Variants in AIG1 observed in about 807,000 individuals in gnomAD.
AIG1 encodes androgen induced 1.
In AIG1, 23 loss-of-function variants were observed where a neutral mutation model predicts 31.4. The ratio of observed to expected loss-of-function variants is 0.73; its 90% CI spans 0.53 to 1.04. The LOEUF (loss-of-function observed/expected upper bound fraction) is 1.04, where lower values mean the gene tolerates loss of function less well. AIG1 is among the 50% of genes least tolerant of loss of function. AIG1 has a pLI of 0.00. For synonymous variants in AIG1, 100 were observed against 110.5 expected (o/e 0.90, Z 0.60); for missense variants, 274 against 295.0 (o/e 0.93, Z 0.52).
rs560197555 is a variant in AIG1 at position 143,273,123 on chromosome 6, C to T, written c.400-10987C>T. ...CAGTCTGGGCGACAGAGTGAGACTT[C>T]GTCTCAAAAAAAAATATTGTGGGAA... is the stretch of plus-strand genomic sequence containing the variant. On this transcript the variant is annotated intron_variant, in intron 3 of 5. Transcript: ENST00000357847. 3.5e-4 allele frequency among the ~76,000 whole-genome samples: 53 copies of T among 151,698 alleles called. 1 individual carries two copies. The highest frequency in any genetic ancestry group is 1.6e-3 in the Admixed American group (24 of 15,242).
intron 4 of AIG1, among the ~76,000 whole-genome samples, chr6:143,323,245 G>T (rs979843741): frequency 5.3e-5 from 8 of 152,286 alleles, no homozygotes; most frequent in African/African-American, 1.9e-4. Context: ...GTTCAAAAAT[G>T]ATGTAAGACT....
intron 1 of AIG1, among the ~76,000 whole-genome samples, chr6:143,129,278 G>A (rs572939625): frequency 6.6e-6 from 1 of 152,216 alleles, no homozygotes; most frequent in Admixed American, 6.5e-5. Flanking sequence ...GCAACATAGT[G>A]AGACTCCGTC....
chr6:143,303,211 C>CA (rs1798961728), intron 4 of AIG1, among the ~76,000 whole-genome samples: 2 of 151,390 alleles, frequency 1.3e-5, no homozygotes, highest in Non-Finnish European at 3.0e-5. Flanking sequence ...TTTTGCTGTG[C>CA]AGAAGCTCTT....
At position 143,183,196 on chromosome 6, in the gene AIG1, C is replaced by CTT. The variant is rs35379724; in HGVS notation, c.399+18029_399+18030dup. On this transcript the variant is annotated intron_variant, in intron 3 of 5. Transcript: ENST00000357847. ...CTCTAAGGAAATAATCGGACAATGG[C>CTT]TTTTTTTTTTTTTTTTTGGAGACGG... is the stretch of plus-strand genomic sequence containing the variant. Among the ~76,000 whole-genome samples the CTT allele has an allele frequency of 2.6e-3, 350 of 132,826 alleles. 2 individuals carry two copies. Among genetic ancestry groups the CTT allele is most frequent in the South Asian group, 8.7e-3 (36 of 4,148 alleles). The allele number at this position is 132,826 out of a possible 152,430, so 87.1% of individuals were successfully genotyped here.
chr6:143,314,322 C>A (rs1737837430), intron 4 of AIG1, among the ~76,000 whole-genome samples: 1 of 151,750 alleles, frequency 6.6e-6, no homozygotes, highest in Admixed American at 6.6e-5. Context: ...CTACTACACT[C>A]CAGCCTGGGT....
rs934443076 is a variant in AIG1, at chr6:143,327,475, C to G, written c.516-5807C>G. ...GAACTCCAGATTTGCGCATTGATACCAGGCCCAACAAAACTGTCTGGGCCA... is the reference window on the plus strand; with the variant it reads ...GAACTCCAGATTTGCGCATTGATACGAGGCCCAACAAAACTGTCTGGGCCA... On this transcript the variant is annotated intron_variant, in intron 4 of 5. Transcript: ENST00000357847. This position sits in a 1 kb window ranked among gnomAD's most constrained non-coding sequence, Gnocchi z 5.3. 5.1e-6 allele frequency: 2 copies of G among 395,988 alleles called. No individual in the cohort carries two copies. The highest frequency in any genetic ancestry group is 4.2e-5 in the African/African-American group (2 of 47,228). The allele number at this position is 395,988 out of a possible 1,614,324, so 24.5% of individuals were successfully genotyped here. A position where few individuals can be genotyped will look rare whatever the true frequency, so the allele number is the denominator to read the frequency against.
At chr6:143,242,273 G>T (rs1189020031) in intron 3 of AIG1, among the ~76,000 whole-genome samples, 1 of 152,330 alleles carries the variant, frequency 6.6e-6, no homozygotes, top group East Asian at 1.9e-4. Flanking sequence ...CAGGGTTGCT[G>T]TGTAATATGA....
chr6:143,222,396 T>TTTG (rs1399221453), intron 3 of AIG1, among the ~76,000 whole-genome samples: 2 of 151,792 alleles, frequency 1.3e-5, no homozygotes, highest in South Asian at 2.1e-4. Context: ...TGGTTTTTTT[T>TTTG]TTGTTGTTGT....
At chr6:143,066,763 T>G (rs908522601) in intron 1 of AIG1, among the ~76,000 whole-genome samples, 2 of 152,222 alleles carry the variant, frequency 1.3e-5, no homozygotes, top group African/African-American at 4.8e-5. Flanking sequence ...AATACACATT[T>G]GATTGTATTG....
intron 1 of AIG1, chr6:143,061,651 T>C: frequency 4.0e-6 from 1 of 249,588 alleles, no homozygotes; most frequent in Non-Finnish European, 8.2e-6. Context: ...CCCGTACATA[T>C]TAGGAGACAG....
At chr6:143,307,245 A>G (rs9399435) in intron 4 of AIG1, among the ~76,000 whole-genome samples, 50,779 of 152,046 alleles carry the variant, frequency 0.33, 10,529 homozygotes, top group African/African-American at 0.59. Flanking sequence ...TGCTGGTGAG[A>G]AACTGTGTTC....
Position 143,211,413 on chromosome 6 carries a change from T to C in AIG1, c.399+46230T>C, listed in dbSNP as rs534245081. ...GACATGGACCACAGGATCCTGAGAG[T>C]GAATTCTAGTGTGGGCTAACCCATT... On this transcript the variant is annotated intron_variant, in intron 3 of 5. Transcript: ENST00000357847. Among the ~76,000 whole-genome samples the C allele has an allele frequency of 3.9e-5, 6 of 152,040 alleles. No individual in the cohort carries two copies. The South Asian group carries it at 1.2e-3, about 32-fold the overall frequency.
Position 143,280,009 on chromosome 6 carries a change from C to T in AIG1, c.400-4101C>T, listed in dbSNP as rs1797235588. On this transcript the variant is annotated intron_variant, in intron 3 of 5. Transcript: ENST00000357847. This position sits in a 1 kb window ranked among gnomAD's most constrained non-coding sequence, Gnocchi z 4.1. ...TCTGTTGACAATGTACTGCAGAAAA[C>T]AGTCCAAACAATTCTTAAGAGCTAA... is the stretch of plus-strand genomic sequence containing the variant. Among the ~76,000 whole-genome samples, 1 of 152,200 alleles carries T rather than the reference C, an allele frequency of 6.6e-6. No homozygotes were observed. The highest frequency in any genetic ancestry group is 1.5e-5 in the Non-Finnish European group (1 of 68,024).
intron 1 of AIG1, among the ~76,000 whole-genome samples, chr6:143,075,539 C>G (rs1777659503): frequency 6.6e-6 from 1 of 152,136 alleles, no homozygotes; most frequent in African/African-American, 2.4e-5. Flanking sequence ...CTCCTAGGCT[C>G]AAGCAATCCA....
At chr6:143,167,428 C>T (rs148537019) in intron 3 of AIG1, among the ~76,000 whole-genome samples, 59 of 152,290 alleles carry the variant, frequency 3.9e-4, no homozygotes, top group Non-Finnish European at 6.2e-4. Context: ...TCTGACATTA[C>T]GAGAGACTTT....
chr6:143,230,784 G>A (rs1014515263), intron 3 of AIG1, among the ~76,000 whole-genome samples: 9 of 152,172 alleles, frequency 5.9e-5, no homozygotes, highest in Middle Eastern at 3.4e-3. Flanking sequence ...GAAAGCTCAC[G>A]AAGACAGTAA....
At chr6:143,114,351 C>T (rs184854227) in intron 1 of AIG1, among the ~76,000 whole-genome samples, 2 of 152,258 alleles carry the variant, frequency 1.3e-5, no homozygotes, top group East Asian at 1.9e-4. Flanking sequence ...GAAAATGCTG[C>T]GAGAACCTTT....
rs541040723 is a variant in AIG1, at chr6:143,256,523, T to C, written c.400-27587T>C. Among the ~76,000 whole-genome samples the C allele has an allele frequency of 6.6e-6, 1 of 152,348 alleles. No homozygotes were observed. The highest frequency in any genetic ancestry group is 2.1e-4 in the South Asian group (1 of 4,826). ...AGGTTTAGACATTTTTCTTGCACAG[T>C]GATTTTCAAATGTTTCTTTAGTTAT... On this transcript the variant is annotated intron_variant, in intron 3 of 5. Coordinates refer to ENST00000357847, the MANE Select transcript of AIG1 (RefSeq NM_016108.4). The surrounding 1 kb of genome is among the most constrained non-coding windows in gnomAD (Gnocchi z 4.6).
chr6:143,092,859 G>A (rs1242917735), intron 1 of AIG1, among the ~76,000 whole-genome samples: 1 of 152,066 alleles, frequency 6.6e-6, no homozygotes, highest in Non-Finnish European at 1.5e-5. Context: ...AGACTAGCCT[G>A]GGCAACATAG....
Sources: allele counts gnomAD v4.1 joint callset (sites outside exome capture counted in the v4.1 genomes callset), GRCh38; gene constraint gnomAD v4.1.1; non-coding constraint Gnocchi (gnomAD v3.1); transcripts MANE v1.5; gene names NCBI Gene and HGNC (gene_info 2026-07-23, HGNC 2026-07-21).